Variants in PIK3C3 observed in about 807,000 individuals in gnomAD.
The protein encoded by PIK3C3 is phosphatidylinositol 3-kinase catalytic subunit type 3, also known as PI3-kinase type 3.
A neutral mutation model predicts 126.1 loss-of-function variants in PIK3C3; 95 were observed. The ratio of observed to expected loss-of-function variants is 0.75; its 90% CI spans 0.64 to 0.89. The LOEUF (loss-of-function observed/expected upper bound fraction) is 0.89, where lower values mean the gene tolerates loss of function less well. Ranked by LOEUF, PIK3C3 falls within the 40% of genes least tolerant of loss-of-function variation. PIK3C3 has a pLI of 0.00. For synonymous variants in PIK3C3, 374 were observed against 360.0 expected, an observed-to-expected ratio of 1.04 and a Z score of -0.44; for missense variants, 829 against 1,063.2, an observed-to-expected ratio of 0.78 and a Z score of 3.06.
intron 10 of PIK3C3, among the ~76,000 whole-genome samples, chr18:42,006,860 CTTTTTTTTT>C (rs71265065): frequency 2.9e-5 from 3 of 102,296 alleles, no homozygotes; most frequent in Non-Finnish European, 5.9e-5. Context: ...AAATCATATT[CTTTTTTTTT>C]TTTTTTTTTT....
In PIK3C3 at chr18:41,975,992, G is replaced by A. The variant is rs112316112; in HGVS notation, c.531+5536G>A. On this transcript the variant is annotated intron_variant, in intron 4 of 24. Transcript: ENST00000262039. ...TGGGATTGCAGGCGTGAGCCACCAC[G>A]CCTGGCCAAAAGGACTTTCTTTATA... Among the ~76,000 whole-genome samples the A allele has an allele frequency of 2.2e-3, 332 of 152,240 alleles. 2 individuals carry two copies. Among genetic ancestry groups the A allele is most frequent in the Non-Finnish European group, 3.5e-3 (236 of 68,018 alleles).
chr18:42,016,492 G>A (rs1054943272), intron 12 of PIK3C3, among the ~76,000 whole-genome samples: 2 of 152,064 alleles, frequency 1.3e-5, no homozygotes, highest in Non-Finnish European at 2.9e-5. Flanking sequence ...ACATGCTGGG[G>A]TTGATGCAGC....
chr18:42,079,381 C>T (rs1462855776), intron 24 of PIK3C3, among the ~76,000 whole-genome samples: 1 of 152,038 alleles, frequency 6.6e-6, no homozygotes, highest in Non-Finnish European at 1.5e-5. Context: ...GTTCGTGGTG[C>T]CCCAAAACAT....
At chr18:42,033,995 CTAAT>C in intron 16 of PIK3C3, 38 bp downstream of exon 16, 2 of 1,455,878 alleles carry the variant, frequency 1.4e-6, no homozygotes, top group African/African-American at 1.4e-5. Flanking sequence ...TGATTGGAAC[CTAAT>C]TCTTAAGCTA....
At chr18:42,005,183 C>A (rs527300270) in intron 10 of PIK3C3, among the ~76,000 whole-genome samples, 6 of 152,158 alleles carry the variant, frequency 3.9e-5, no homozygotes, top group Non-Finnish European at 7.4e-5. Context: ...GTGCAGACAT[C>A]ATGGAGTATA....
chr18:42,064,710 G>A (rs757975141), intron 22 of PIK3C3, 30 bp from the exon 23 acceptor site: 2 of 1,017,510 alleles, frequency 2.0e-6, no homozygotes, highest in Admixed American at 3.6e-5. Context: ...CTTAATCGTT[G>A]CTATTTTTTT....
At chr18:42,040,784 T>G (rs1598922709) in intron 19 of PIK3C3, 43 bp downstream of exon 19, 2 of 1,289,730 alleles carry the variant, frequency 1.6e-6, no homozygotes, top group East Asian at 4.7e-5. Context: ...AATATATTCT[T>G]GTCATAAAAA....
rs150554638 is a variant in PIK3C3, at chr18:41,968,874, G to A, written c.402-1453G>A. 2.9e-3 allele frequency among the ~76,000 whole-genome samples: 447 copies of A among 151,958 alleles called. 4 individuals carry two copies. Among genetic ancestry groups the A allele is most frequent in the Middle Eastern group, 6.8e-3 (2 of 292 alleles). On this transcript the variant is annotated intron_variant, in intron 3 of 24. Transcript: ENST00000262039. ...ACTTTCTCACCCAGGCTGGAGTACA[G>A]TGGTGCAAACATGGCTCACTATAGC...
Position 42,084,585 on chromosome 18 carries a change from C to CAAAAAAAAA in PIK3C3, c.*3461_*3469dup, listed in dbSNP as rs58697677. 5.2e-5 allele frequency: 5 copies of CAAAAAAAAA among 96,720 alleles called. No homozygotes were observed. Among genetic ancestry groups the CAAAAAAAAA allele is most frequent in the Admixed American group, 1.1e-4 (1 of 8,952 alleles). 6.0% of individuals were successfully genotyped at this position (96,720 alleles called of 1,614,324 possible). ...TAGTATAGAGTAGCTAAAAACAAAC[C>CAAAAAAAAA]AAAAAAAAAAAAAAAAAAAAAGGAA... is the stretch of plus-strand genomic sequence containing the variant. On this transcript the variant is annotated 3_prime_UTR_variant, in exon 25 of 25. Coordinates refer to ENST00000262039, the MANE Select transcript of PIK3C3 (RefSeq NM_002647.4).
At chr18:42,031,986 A>G (rs1160056283) in intron 15 of PIK3C3, among the ~76,000 whole-genome samples, 1 of 152,216 alleles carries the variant, frequency 6.6e-6, no homozygotes, top group Non-Finnish European at 1.5e-5. Context: ...AGTGTGCTAG[A>G]TAGTGTTATA....
At chr18:42,039,489 A>C (rs989616207) in intron 18 of PIK3C3, among the ~76,000 whole-genome samples, 18 of 152,222 alleles carry the variant, frequency 1.2e-4, no homozygotes, top group Non-Finnish European at 2.4e-4. Context: ...GTGCTTGCAT[A>C]GTGTGACACA....
intron 4 of PIK3C3, among the ~76,000 whole-genome samples, chr18:41,984,218 C>G (rs1356931135): frequency 1.3e-5 from 2 of 151,984 alleles, no homozygotes; most frequent in Non-Finnish European, 2.9e-5. Flanking sequence ...ACATTACAGA[C>G]CCAAAATTAA....
chr18:42,036,763 A>G (rs1456058920), intron 16 of PIK3C3, among the ~76,000 whole-genome samples: 1 of 152,152 alleles, frequency 6.6e-6, no homozygotes, highest in Non-Finnish European at 1.5e-5. Flanking sequence ...ATCTCCTCTC[A>G]TTTTATAAAT....
intron 24 of PIK3C3, among the ~76,000 whole-genome samples, chr18:42,073,808 T>C (rs531536822): frequency 1.8e-4 from 27 of 152,214 alleles, no homozygotes; most frequent in Middle Eastern, 3.4e-3. Flanking sequence ...TTTCACTTTA[T>C]TTGCTGTCCT....
chr18:42,000,599 C>T lies in PIK3C3; in HGVS notation c.985-3757C>T, dbSNP rs528809424. Reference sequence around the variant, plus strand: ...TTGGTACCAATTTACTGTATTATTCCGCTTTCACACTTCTGATAAAGACAT... The same window carrying T: ...TTGGTACCAATTTACTGTATTATTCTGCTTTCACACTTCTGATAAAGACAT... On this transcript the variant is annotated intron_variant, in intron 9 of 24. Transcript: ENST00000262039. Among the ~76,000 whole-genome samples the T allele has an allele frequency of 3.3e-5, 5 of 152,090 alleles. No homozygotes were observed. The South Asian group carries it at 8.3e-4, about 25-fold the overall frequency.
chr18:42,076,147 C>CATATAT (rs35001905), intron 24 of PIK3C3, among the ~76,000 whole-genome samples: 1 of 34,220 alleles, frequency 2.9e-5, no homozygotes, highest in Non-Finnish European at 5.0e-5. Flanking sequence ...TATATATGCG[C>CATATAT]ATATATATAT....
chr18:42,008,934 G>A (rs192589900), intron 10 of PIK3C3, among the ~76,000 whole-genome samples: 372 of 152,040 alleles, frequency 2.4e-3, no homozygotes, highest in South Asian at 0.024. Flanking sequence ...ATTTAATACC[G>A]CAGCCTTTTT....
At chr18:41,982,937 T>C (rs1981280636) in intron 4 of PIK3C3, among the ~76,000 whole-genome samples, 1 of 152,200 alleles carries the variant, frequency 6.6e-6, no homozygotes, top group Non-Finnish European at 1.5e-5. Context: ...ATAGTGTAGA[T>C]AAGTCATAAT....
At chr18:42,042,553 G>A (rs1984369538) in intron 19 of PIK3C3, among the ~76,000 whole-genome samples, 1 of 152,120 alleles carries the variant, frequency 6.6e-6, no homozygotes, top group Admixed American at 6.5e-5. Flanking sequence ...GACCTGAAGT[G>A]TACTTAAAGT....
Sources: allele counts gnomAD v4.1 joint callset (sites outside exome capture counted in the v4.1 genomes callset), GRCh38; gene constraint gnomAD v4.1.1; transcripts MANE v1.5; gene names NCBI Gene and HGNC (gene_info 2026-07-23, HGNC 2026-07-21).